Variants in FBXL17 observed in about 807,000 individuals in gnomAD.
The protein encoded by FBXL17 is F-box/LRR-repeat protein 17.
A neutral mutation model predicts 66.2 loss-of-function variants in FBXL17; 22 were observed. The ratio of observed to expected loss-of-function variants is 0.33; its 90% confidence interval spans 0.24 to 0.47. The LOEUF (loss-of-function observed/expected upper bound fraction) is 0.47, where lower values mean the gene tolerates loss of function less well. Among genes scored for constraint, FBXL17 ranks in the 20% least tolerant of loss-of-function variants. FBXL17 has a pLI of 1.00. For missense variants in FBXL17, 878 were observed against 948.2 expected (o/e 0.93, Z 0.97); for synonymous variants, 474 against 400.5 (o/e 1.18, Z -2.19).
chr5:107,908,295 A>T (rs1749829516), intron 7 of FBXL17, among the ~76,000 whole-genome samples: 1 of 152,156 alleles, frequency 6.6e-6, no homozygotes, highest in Admixed American at 6.5e-5. Flanking sequence ...GTTATTTGCT[A>T]ATTTCTCCAA....
intron 6 of FBXL17, among the ~76,000 whole-genome samples, chr5:108,092,980 T>C (rs549466347): frequency 1.3e-5 from 2 of 152,094 alleles, no homozygotes; most frequent in South Asian, 2.1e-4. Flanking sequence ...AAATTGGCAA[T>C]AGAGAGGGAG....
intron 4 of FBXL17, among the ~76,000 whole-genome samples, chr5:108,225,916 T>C (rs1168377832): frequency 1.3e-5 from 2 of 152,212 alleles, no homozygotes; most frequent in African/African-American, 4.8e-5. Context: ...TCAACTATCA[T>C]GGCTTTCCTC....
At chr5:108,315,193 CAA>C (rs544743753) in intron 4 of FBXL17, among the ~76,000 whole-genome samples, 10 of 150,738 alleles carry the variant, frequency 6.6e-5, no homozygotes, top group South Asian at 4.2e-4. Context: ...TTTAAAAAAT[CAA>C]AAAAGGAATT....
intron 6 of FBXL17, among the ~76,000 whole-genome samples, chr5:108,153,273 T>C (rs1025388941): frequency 6.6e-6 from 1 of 152,176 alleles, no homozygotes; most frequent in Non-Finnish European, 1.5e-5. Context: ...AGCATATAAA[T>C]TGAATCTTGA....
At chr5:108,212,987 T>C (rs1196560646) in intron 5 of FBXL17, among the ~76,000 whole-genome samples, 1 of 152,154 alleles carries the variant, frequency 6.6e-6, no homozygotes, top group Non-Finnish European at 1.5e-5. Context: ...CAGGAACTGT[T>C]GTCTTTTTTT....
At chr5:108,011,738 C>A (rs1043749471) in intron 7 of FBXL17, among the ~76,000 whole-genome samples, 4 of 152,156 alleles carry the variant, frequency 2.6e-5, no homozygotes, top group Non-Finnish European at 5.9e-5. Context: ...GCAGGAGAAT[C>A]ACTGGAACCT....
At chr5:108,054,216 G>C (rs1747596411) in intron 6 of FBXL17, among the ~76,000 whole-genome samples, 1 of 150,274 alleles carries the variant, frequency 6.7e-6, no homozygotes, top group African/African-American at 2.5e-5. Context: ...TTCTGCACAT[G>C]TATCCCGGAA....
chr5:108,177,932 T>TATATATATATATATATATATATACACAC (rs1242739302), intron 6 of FBXL17, among the ~76,000 whole-genome samples: 23 of 126,872 alleles, frequency 1.8e-4, no homozygotes, highest in Non-Finnish European at 1.9e-4. Flanking sequence ...TATATATATA[T>TATATATATATATATATATATATACACAC]ACACACACAC....
rs1278055642 is a variant in FBXL17, at chr5:108,020,991, C to G, written c.1756G>C (p.Val586Leu). Residue 586 changes from valine to leucine, a missense_variant, in exon 7 of 9, where the codon GTC (valine) becomes CTC (leucine). Val to Leu is a conservative substitution (Grantham distance 32). This residue lies in a region of FBXL17 where 236 missense variants were observed against 389.1 expected (regional missense o/e 0.61). Transcript: ENST00000542267. ...NWIINDRCVE[V>L]IAKEGQNLKE... ...AGGTTTTGTCCTTCCTTTGCAATGA[C>G]CTCCACACACCTGAAACATACAAAA... 2 of 1,609,574 alleles carry G rather than the reference C, an allele frequency of 1.2e-6. No individual in the cohort carries two copies. The highest frequency in any genetic ancestry group is 1.7e-5 in the Admixed American group (1 of 59,826).
At chr5:108,059,985 T>C (rs1747859576) in intron 6 of FBXL17, among the ~76,000 whole-genome samples, 1 of 150,670 alleles carries the variant, frequency 6.6e-6, no homozygotes, top group Non-Finnish European at 1.5e-5. Context: ...GAATATGTTT[T>C]TATATACTGA....
intron 6 of FBXL17, among the ~76,000 whole-genome samples, chr5:108,026,275 T>C (rs1754822446): frequency 6.6e-6 from 1 of 152,176 alleles, no homozygotes; most frequent in African/African-American, 2.4e-5. Context: ...CTTGCAGAAA[T>C]GGCATGAAAT....
intron 6 of FBXL17, among the ~76,000 whole-genome samples, chr5:108,170,824 G>A (rs990046693): frequency 2.0e-5 from 3 of 152,132 alleles, no homozygotes; most frequent in South Asian, 2.1e-4. Flanking sequence ...ATGAGCCACC[G>A]TGCCCAGCAC....
Position 107,861,776 on chromosome 5 carries a change from A to G in FBXL17, c.2050T>C (p.Leu684=), listed in dbSNP as rs1748130381. The G allele has an allele frequency of 3.8e-6, 6 of 1,588,746 alleles. No homozygotes were observed. Among genetic ancestry groups the G allele is most frequent in the Non-Finnish European group, 5.1e-6 (6 of 1,165,422 alleles). ...STVLQDCKRT[L]ERAYQMGWTP... ...CAGCCCATCTGATAGGCTCTCTCCA[A>G]GGTCCTCTTGCAGTCCTGCAGGACG... Residue 684 remains leucine (L), a synonymous_variant, in exon 9 of 9, where the codon TTG becomes CTG. Coordinates refer to ENST00000542267, the MANE Select transcript of FBXL17 (RefSeq NM_001163315.3).
chr5:108,051,793 A>T (rs1747485852), intron 6 of FBXL17, among the ~76,000 whole-genome samples: 1 of 151,984 alleles, frequency 6.6e-6, no homozygotes, highest in South Asian at 2.1e-4. Context: ...TGGCTAACAC[A>T]TTGAAACCTC....
chr5:108,321,478 G>T (rs1487772740), intron 4 of FBXL17, among the ~76,000 whole-genome samples: 1 of 151,808 alleles, frequency 6.6e-6, no homozygotes, highest in Non-Finnish European at 1.5e-5. Context: ...AATGGCCACT[G>T]ATTTATAGAA....
chr5:108,235,821 T>C (rs1382730404), intron 4 of FBXL17, among the ~76,000 whole-genome samples: 1 of 152,164 alleles, frequency 6.6e-6, no homozygotes, highest in Non-Finnish European at 1.5e-5. Context: ...GCTCCAGAAA[T>C]TAAAATGAAT....
intron 7 of FBXL17, among the ~76,000 whole-genome samples, chr5:107,898,154 A>T (rs2112527610): frequency 6.6e-6 from 1 of 152,262 alleles, no homozygotes; most frequent in Non-Finnish European, 1.5e-5. Flanking sequence ...ACGGTTTTGG[A>T]CTTTTTTTTC....
chr5:108,003,220 C>G (rs774191403), intron 7 of FBXL17, among the ~76,000 whole-genome samples: 4 of 152,134 alleles, frequency 2.6e-5, no homozygotes, highest in Non-Finnish European at 1.5e-5. Context: ...AAGTCACAGG[C>G]CAATCACATG....
intron 7 of FBXL17, among the ~76,000 whole-genome samples, chr5:108,013,792 T>C (rs1307740415): frequency 6.6e-6 from 1 of 152,132 alleles, no homozygotes; most frequent in Non-Finnish European, 1.5e-5. Context: ...ACCCAATGCT[T>C]TCATCTTTCC....
Sources: gnomAD v4.1 joint callset for allele counts (sites outside exome capture counted in the v4.1 genomes callset) on GRCh38, gnomAD v4.1.1 for gene constraint, gnomAD v4.1.1 regional missense constraint, MANE v1.5 for transcripts, NCBI Gene and HGNC (gene_info 2026-07-23, HGNC 2026-07-21) for gene names.